DDX27: variants seen among roughly 807,000 people sequenced by gnomAD.
DDX27 encodes the protein probable ATP-dependent RNA helicase DDX27.
DDX27 carries 42 observed loss-of-function variants against 99.3 expected under a neutral mutation model. That is an observed-to-expected ratio of 0.42 (90% CI 0.33 to 0.55). The LOEUF (loss-of-function observed/expected upper bound fraction) is 0.55. DDX27 is among the 20% of genes least tolerant of loss of function. DDX27 has a pLI of 0.07. For synonymous variants in DDX27, 329 were observed against 353.8 expected (o/e 0.93, Z 0.79); for missense variants, 798 against 976.8 (o/e 0.82, Z 2.44).
chr20:49,225,311 G>C, intron 6 of DDX27, 112 bp downstream of exon 6: 2 of 927,052 alleles, frequency 2.2e-6, no homozygotes, highest in Non-Finnish European at 3.5e-6. Context: ...ACCTCCCAGA[G>C]TGCTGGGATT....
Position 49,233,563 on chromosome 20 carries a change from G to C in DDX27, c.1132-5G>C, listed in dbSNP as rs1011679831. 6 of 1,610,486 alleles carry C rather than the reference G, an allele frequency of 3.7e-6. No individual in the cohort carries two copies. Among genetic ancestry groups the C allele is most frequent in the Non-Finnish European group, 5.1e-6 (6 of 1,177,150 alleles). On this transcript the variant is annotated splice_polypyrimidine_tract_variant and splice_region_variant and intron_variant, in intron 10 of 20. Transcript: ENST00000618172. Reference sequence around the variant, plus strand: ...GCTGAGGAAACCTGGCTTTGTGCTTGGCAGGTGAAAGATCTGGCTTCTGTC... The same window carrying C: ...GCTGAGGAAACCTGGCTTTGTGCTTCGCAGGTGAAAGATCTGGCTTCTGTC...
chr20:49,239,774 C>T (rs1649384778), intron 16 of DDX27, among the ~76,000 whole-genome samples: 1 of 152,122 alleles, frequency 6.6e-6, no homozygotes, highest in Non-Finnish European at 1.5e-5. Flanking sequence ...TGCCAGTGCT[C>T]TTTGAATTAC....
intron 15 of DDX27, 64 bp from the exon 16 acceptor site, chr20:49,239,172 C>T (rs1980397229): frequency 6.4e-7 from 1 of 1,556,446 alleles, no homozygotes; most frequent in Non-Finnish European, 8.9e-7. Context: ...GCATTTGCAG[C>T]CCGTGGCTTC....
chr20:49,226,914 G>C (rs1979914280), intron 7 of DDX27, among the ~76,000 whole-genome samples: 1 of 132,440 alleles, frequency 7.6e-6, no homozygotes, highest in Non-Finnish European at 1.6e-5. Context: ...CCAGGCTGGA[G>C]TGCAGTGGCG....
Position 49,243,644 on chromosome 20 carries a change from A to G in DDX27, c.2220A>G (p.Glu740=), listed in dbSNP as rs373460141. The change falls in exon 20 of 21, where the codon GAA becomes GAG. Residue 740 remains glutamate (E), a synonymous_variant. Coordinates refer to ENST00000618172, the MANE Select transcript of DDX27 (RefSeq NM_017895.8). ...KQYRAGPSFE[E]RKQLGLPHQR... is the part of the protein sequence containing the mutation. ...TCTCTCACAGCCCTTCCTTTGAAGA[A>G]AGGAAACAGTTGGGCTTGCCCCACC... 5.7e-5 allele frequency: 92 copies of G among 1,614,108 alleles called. No homozygotes were observed. The African/African-American group carries it at 1.1e-3, about 19-fold the overall frequency.
At chr20:49,242,717 CTT>C (rs71186444) in intron 19 of DDX27, 36 bp downstream of exon 19, 4,842 of 1,411,912 alleles carry the variant, frequency 3.4e-3, no homozygotes, top group East Asian at 0.012. Flanking sequence ...CCTTGGTATT[CTT>C]TTTTTTTTTT....
At chr20:49,222,663 C>G (rs1046737381) in intron 2 of DDX27, among the ~76,000 whole-genome samples, 1 of 151,838 alleles carries the variant, frequency 6.6e-6, no homozygotes, top group Non-Finnish European at 1.5e-5. Flanking sequence ...TACAGGCATG[C>G]ACCACCACAC....
At chr20:49,241,826 C>A in intron 16 of DDX27, 67 bp from the exon 17 acceptor site, 1 of 1,546,148 alleles carries the variant, frequency 6.5e-7, no homozygotes, top group East Asian at 2.2e-5. Context: ...AAAACGTGCA[C>A]TTCTTATCGT....
chr20:49,224,963 A>T lies in DDX27; in HGVS notation c.485A>T (p.Asp162Val). 6.2e-7 allele frequency: 1 copy of T among 1,614,158 alleles called. No homozygotes were observed. Among genetic ancestry groups the T allele is most frequent in the Non-Finnish European group, 8.5e-7 (1 of 1,180,018 alleles). ...TCCATAGATACACTCAAAGTAAAGG[A>T]TCGGAAGAAGAAGAAGAAGAAAGGA... is the stretch of plus-strand genomic sequence containing the variant. ...LTKADTLKVKDRKKKKKKGQE... is the reference protein window; with the variant it reads ...LTKADTLKVKVRKKKKKKGQE... The change falls in exon 5 of 21, where the codon GAT (aspartate) becomes GTT (valine). Residue 162 changes from aspartate (D) to valine (V), a missense_variant. Around this residue, in one of 2 missense-constraint regions of DDX27, gnomAD observed 245 missense variants for 248.8 expected, o/e 0.98. Coordinates refer to ENST00000618172, the MANE Select transcript of DDX27 (RefSeq NM_017895.8).
Position 49,224,949 on chromosome 20 carries a change from A to T in DDX27, c.471A>T (p.Thr157=), listed in dbSNP as rs775164794. The change falls in exon 5 of 21, where the codon ACA becomes ACT. Residue 157 remains threonine, a synonymous_variant. Coordinates refer to ENST00000618172, the MANE Select transcript of DDX27 (RefSeq NM_017895.8). ...ADENILTKAD[T]LKVKDRKKKK... ...CAGCTAAGTTTTTCTCCATAGATAC[A>T]CTCAAAGTAAAGGATCGGAAGAAGA... 1 of 1,614,174 alleles carries T rather than the reference A, an allele frequency of 6.2e-7. No individual in the cohort carries two copies.
chr20:49,238,865 C>A, intron 14 of DDX27, 84 bp from the exon 15 acceptor site: 1 of 835,072 alleles, frequency 1.2e-6, no homozygotes, highest in Non-Finnish European at 1.8e-6. Flanking sequence ...CCACCTCAAT[C>A]TCCCAGAGTG....
intron 1 of DDX27, 61 bp downstream of exon 1, chr20:49,219,602 A>G: frequency 6.6e-7 from 1 of 1,508,890 alleles, no homozygotes; most frequent in Non-Finnish European, 9.0e-7. Context: ...GCGATTCCTC[A>G]GGTCCCTGTC....
chr20:49,228,927 T>C lies in DDX27; in HGVS notation c.880+39T>C, dbSNP rs761368455. On this transcript the variant is annotated intron_variant, in intron 8 of 20. Coordinates refer to ENST00000618172, the MANE Select transcript of DDX27 (RefSeq NM_017895.8). ...CAAGGGCTGCCAGCCCCTGAGAGAC[T>C]GTGGTGGGGTGGAGGATGGATGTGC... 2.9e-5 allele frequency: 45 copies of C among 1,527,968 alleles called. 1 individual carries two copies. The East Asian group carries it at 1.1e-3, about 37-fold the overall frequency. The allele number at this position is 1,527,968 out of a possible 1,614,324, so 94.7% of individuals were successfully genotyped here.
At chr20:49,221,667 T>C in intron 2 of DDX27, 69 bp downstream of exon 2, 1 of 1,405,986 alleles carries the variant, frequency 7.1e-7, no homozygotes, top group Non-Finnish European at 9.6e-7. Context: ...TTTCAGGGCC[T>C]AGCCCTGACC....
intron 7 of DDX27, among the ~76,000 whole-genome samples, chr20:49,227,817 C>A (rs964033726): frequency 6.6e-6 from 1 of 151,230 alleles, no homozygotes; most frequent in Non-Finnish European, 1.5e-5. Context: ...GCCTCCTGGC[C>A]CTGCCATATC....
chr20:49,223,469 A>C, intron 4 of DDX27, 36 bp downstream of exon 4: 1 of 1,575,968 alleles, frequency 6.3e-7, no homozygotes, highest in South Asian at 1.2e-5. Flanking sequence ...TAATGGGGAC[A>C]GGAGATCAGA....
intron 16 of DDX27, 47 bp downstream of exon 16, chr20:49,239,385 C>T (rs1018034093): frequency 5.1e-6 from 7 of 1,369,106 alleles, no homozygotes; most frequent in Non-Finnish European, 7.1e-6. Flanking sequence ...AATTACCCCA[C>T]AGGACTCAGC....
intron 7 of DDX27, among the ~76,000 whole-genome samples, chr20:49,226,982 C>CTGGGA (rs1979918496): frequency 1.4e-5 from 2 of 147,806 alleles, no homozygotes; most frequent in Non-Finnish European, 3.0e-5. Context: ...CCTGCCTCAG[C>CTGGGA]CTCCCAAGTA....
At chr20:49,233,273 C>T (rs1455328834) in intron 9 of DDX27, 33 bp from the exon 10 acceptor site, 2 of 1,563,296 alleles carry the variant, frequency 1.3e-6, no homozygotes, top group African/African-American at 1.4e-5. Context: ...AGAGCACTCT[C>T]TCCATTTCTG....
Sources: allele counts gnomAD v4.1 joint callset (sites outside exome capture counted in the v4.1 genomes callset), GRCh38; gene constraint gnomAD v4.1.1; regional missense constraint gnomAD v4.1.1; transcripts MANE v1.5; gene names NCBI Gene and HGNC (gene_info 2026-07-23, HGNC 2026-07-21).